Variants in RASA3 observed in about 807,000 individuals in gnomAD.
The protein encoded by RASA3 is RAS p21 protein activator 3.
RASA3 carries 73 observed loss-of-function variants against 110.0 expected under a neutral mutation model. That is an observed-to-expected ratio of 0.66 (90% confidence interval 0.55 to 0.81). The LOEUF is 0.81. RASA3 is among the 30% of genes least tolerant of loss of function. The probability of loss-of-function intolerance (pLI) is 0.00; values close to 1 mark genes in which losing one functional copy is unlikely to be tolerated. For synonymous variants in RASA3, 500 were observed against 451.4 expected (o/e 1.11, Z -1.37); for missense variants, 976 against 1,113.2 (o/e 0.88, Z 1.75).
intron 3 of RASA3, among the ~76,000 whole-genome samples, chr13:114,046,862 A>G (rs1285104824): frequency 2.0e-5 from 3 of 152,254 alleles, no homozygotes; most frequent in African/African-American, 7.2e-5. Flanking sequence ...GGGTGCCGGA[A>G]CAAAGGGATG....
intron 3 of RASA3, among the ~76,000 whole-genome samples, chr13:114,047,548 G>A (rs2079073506): frequency 1.3e-5 from 2 of 152,336 alleles, no homozygotes; most frequent in Middle Eastern, 3.4e-3. Context: ...TCGCTCCCAC[G>A]CATTTATCTC....
intron 1 of RASA3, among the ~76,000 whole-genome samples, chr13:114,081,705 G>A (rs2079791168): frequency 6.6e-6 from 1 of 152,158 alleles, no homozygotes; most frequent in South Asian, 2.1e-4. Flanking sequence ...AAATCCTATG[G>A]GTTCAAAACC....
chr13:114,015,114 T>A (rs2053758477), intron 14 of RASA3, 95 bp downstream of exon 14: 2 of 1,514,848 alleles, frequency 1.3e-6, no homozygotes, highest in South Asian at 2.4e-5. Flanking sequence ...AGTTCTAGTC[T>A]AGCCAGGGCT....
chr13:114,055,658 G>A (rs986363508), intron 2 of RASA3, among the ~76,000 whole-genome samples: 1 of 152,226 alleles, frequency 6.6e-6, no homozygotes, highest in Non-Finnish European at 1.5e-5. Context: ...AACTTTCAGG[G>A]CCACTGAGGC....
intron 1 of RASA3, among the ~76,000 whole-genome samples, chr13:114,119,898 G>C (rs1254391115): frequency 1.6e-5 from 1 of 60,764 alleles, no homozygotes; most frequent in African/African-American, 6.0e-5. Flanking sequence ...CGTCGATCAG[G>C]GCCCCCCTCC....
In RASA3 at chr13:114,013,200, C is replaced by T. The variant is rs1275756226; in HGVS notation, c.1454G>A (p.Arg485Lys). 2 of 1,613,476 alleles carry T rather than the reference C, an allele frequency of 1.2e-6. No homozygotes were observed. Among genetic ancestry groups the T allele is most frequent in the Non-Finnish European group, 8.5e-7 (1 of 1,179,758 alleles). Residue 485 changes from arginine (R) to lysine (K), a missense_variant, in exon 15 of 24, where the codon AGG (arginine) becomes AAG (lysine). Arg to Lys is a conservative substitution (Grantham distance 26). Coordinates refer to ENST00000334062, the MANE Select transcript of RASA3 (RefSeq NM_007368.4). ...GGAGAGAATGGCGGGCGCAAAGAAC[C>T]TCAGGAAGATGAAGCTGCTCACTGC... ...YTAVSSFIFLRFFAPAILSPN... is the reference protein window; with the variant it reads ...YTAVSSFIFLKFFAPAILSPN...
chr13:114,055,185 T>C (rs1409826063), intron 2 of RASA3, among the ~76,000 whole-genome samples: 2 of 152,078 alleles, frequency 1.3e-5, no homozygotes, highest in Admixed American at 1.3e-4. Flanking sequence ...TGTGCATGCA[T>C]GTGCCATGCA....
intron 1 of RASA3, among the ~76,000 whole-genome samples, chr13:114,099,611 GCCCCCACAGCAGC>G (rs1421574453): frequency 1.7e-5 from 2 of 114,656 alleles, no homozygotes; most frequent in African/African-American, 3.4e-5. Context: ...CTGAGATGCA[GCCCCCACAGCAGC>G]CCCCCCACAG....
chr13:114,046,242 G>A (rs1042333411), intron 3 of RASA3, among the ~76,000 whole-genome samples: 3 of 152,338 alleles, frequency 2.0e-5, no homozygotes, highest in South Asian at 2.1e-4. Context: ...CACAGCAGGC[G>A]AGCCCCAAAT....
intron 1 of RASA3, among the ~76,000 whole-genome samples, chr13:114,077,317 C>T (rs771833200): frequency 7.9e-5 from 12 of 151,986 alleles, no homozygotes; most frequent in African/African-American, 2.4e-4. Context: ...CCAGTCCCAC[C>T]GCACTGGCAC....
Position 114,056,646 on chromosome 13 carries a change from G to C in RASA3, c.174-4491C>G. 1.0e-6 allele frequency: 1 copy of C among 985,300 alleles called. No individual in the cohort carries two copies. Among genetic ancestry groups the C allele is most frequent in the African/African-American group, 1.7e-5 (1 of 57,296 alleles). The allele number at this position is 985,300 out of a possible 1,614,324, so 61.0% of individuals were successfully genotyped here. A position where few individuals can be genotyped will look rare whatever the true frequency, so the allele number is the denominator to read the frequency against. On this transcript the variant is annotated intron_variant, in intron 2 of 23. Coordinates refer to ENST00000334062, the MANE Select transcript of RASA3 (RefSeq NM_007368.4). This position sits in a 1 kb window ranked among gnomAD's most constrained non-coding sequence, Gnocchi z 5.7. Reference sequence around the variant, plus strand: ...CTGGGAGGGTCCCGTGAGGCTTCTGGTGGTGCTGACAGCTGTCCGTGGAAA... The same window carrying C: ...CTGGGAGGGTCCCGTGAGGCTTCTGCTGGTGCTGACAGCTGTCCGTGGAAA...
intron 19 of RASA3, among the ~76,000 whole-genome samples, chr13:114,000,162 T>TGCTGGGGGTCTCTGCCA (rs2053360882): frequency 1.9e-5 from 2 of 106,754 alleles, no homozygotes; most frequent in Non-Finnish European, 3.6e-5. Flanking sequence ...GGGGTGTCTC[T>TGCTGGGGGTCTCTGCCA]GCTGGGGGTC....
chr13:114,100,388 C>G lies in RASA3; in HGVS notation c.56-26551G>C, dbSNP rs1015250011. ...ATTTTAGACTCTTGTGCGCAACACC[C>G]AGGAGCCGCCCGCCTGCAAAGCACT... On this transcript the variant is annotated intron_variant, in intron 1 of 23. Coordinates refer to ENST00000334062, the MANE Select transcript of RASA3 (RefSeq NM_007368.4). Among the ~76,000 whole-genome samples, 11 of 152,290 alleles carry G rather than the reference C, an allele frequency of 7.2e-5. No homozygotes were observed. The East Asian group carries it at 2.1e-3, about 30-fold the overall frequency.
intron 1 of RASA3, among the ~76,000 whole-genome samples, chr13:114,081,565 G>A (rs766236020): frequency 7.2e-5 from 11 of 152,174 alleles, no homozygotes; most frequent in Non-Finnish European, 1.5e-4. Context: ...TGAGAAACAC[G>A]ACTCCAAACC....
At chr13:114,031,443 G>C (rs1031539396) in intron 4 of RASA3, among the ~76,000 whole-genome samples, 2 of 150,570 alleles carry the variant, frequency 1.3e-5, no homozygotes, top group African/African-American at 2.4e-5. Context: ...CTCTGTGTGT[G>C]TCTACCTGTC....
At chr13:113,992,123 A>G (rs2053133036) in intron 22 of RASA3, among the ~76,000 whole-genome samples, 1 of 152,206 alleles carries the variant, frequency 6.6e-6, no homozygotes, top group African/African-American at 2.4e-5. Context: ...CACATCTCAT[A>G]CGTGTGTCCG....
intron 1 of RASA3, among the ~76,000 whole-genome samples, chr13:114,091,370 C>T (rs925460491): frequency 6.6e-6 from 1 of 152,006 alleles, no homozygotes; most frequent in Admixed American, 6.6e-5. Context: ...TCAACAGGCT[C>T]TACCATTTTG....
At chr13:114,051,216 A>C (rs1451138417) in intron 3 of RASA3, among the ~76,000 whole-genome samples, 3 of 152,106 alleles carry the variant, frequency 2.0e-5, no homozygotes, top group Non-Finnish European at 4.4e-5. Flanking sequence ...GAAGACGAGG[A>C]GCCTGCACCA....
chr13:114,120,962 C>T (rs762028022), intron 1 of RASA3, among the ~76,000 whole-genome samples: 5 of 152,192 alleles, frequency 3.3e-5, no homozygotes, highest in East Asian at 1.9e-4. Flanking sequence ...GTGGCACAGC[C>T]GAGCTAGTCT....
Sources: gnomAD v4.1 joint callset for allele counts (sites outside exome capture counted in the v4.1 genomes callset) on GRCh38, gnomAD v4.1.1 for gene constraint, Gnocchi (gnomAD v3.1) non-coding constraint, MANE v1.5 for transcripts, NCBI Gene and HGNC (gene_info 2026-07-23, HGNC 2026-07-21) for gene names.